The following DNAJC5B variants were observed in gnomAD, a reference collection of about 807,000 sequenced individuals.
The protein encoded by DNAJC5B is DnaJ heat shock protein family (Hsp40) member C5 beta.
DNAJC5B carries 23 observed loss-of-function variants against 24.7 expected under a neutral mutation model. The observed-to-expected ratio is 0.93, with a 90% CI of 0.67 to 1.32. The LOEUF is 1.32. DNAJC5B is among the 40% of genes most tolerant of loss of function. DNAJC5B has a pLI of 0.00. For missense variants in DNAJC5B, 238 were observed against 240.8 expected (o/e 0.99, Z 0.08); for synonymous variants, 101 against 90.1 (o/e 1.12, Z -0.68).
intron 4 of DNAJC5B, among the ~76,000 whole-genome samples, chr8:66,077,987 C>T (rs1382482733): frequency 6.6e-6 from 1 of 151,826 alleles, no homozygotes; most frequent in African/African-American, 2.4e-5. Flanking sequence ...TCATTTATGA[C>T]AATAGATTGA....
At chr8:66,094,531 G>C (rs2128967018) in intron 5 of DNAJC5B, among the ~76,000 whole-genome samples, 1 of 152,078 alleles carries the variant, frequency 6.6e-6, no homozygotes, top group East Asian at 1.9e-4. Flanking sequence ...TTATTTACCT[G>C]TAAATTCTTT....
rs1806897241 is a variant in DNAJC5B at position 66,053,537 on chromosome 8, T to G, written c.119+1871T>G. 1.3e-5 allele frequency among the ~76,000 whole-genome samples: 2 copies of G among 152,146 alleles called. 1 individual carries two copies. Among genetic ancestry groups the G allele is most frequent in the South Asian group, 4.1e-4 (2 of 4,826 alleles). On this transcript the variant is annotated intron_variant, in intron 3 of 5. Transcript: ENST00000276570. ...CCATAATCCTACCTCCAGTAATAAT[T>G]ATCATTAATATTCTGTTTCCTTCTA...
intron 5 of DNAJC5B, among the ~76,000 whole-genome samples, chr8:66,091,334 G>C (rs1473716733): frequency 6.6e-6 from 1 of 152,172 alleles, no homozygotes; most frequent in Non-Finnish European, 1.5e-5. Context: ...GGCCTCACCT[G>C]CGTGCAGGTT....
intron 1 of DNAJC5B, among the ~76,000 whole-genome samples, chr8:66,038,004 A>G (rs1228532940): frequency 6.6e-6 from 1 of 152,254 alleles, no homozygotes. Flanking sequence ...CCCTGCTTCC[A>G]AGACCAGTGA....
rs565760068 is a variant in DNAJC5B, at chr8:66,068,896, C to G, written c.120-7764C>G. Reference sequence around the variant, plus strand: ...ATTAGACTTACAGCTGATTTTCCAACCAAGGTAACAGAAGCCAGAAGACAG... The same window carrying G: ...ATTAGACTTACAGCTGATTTTCCAAGCAAGGTAACAGAAGCCAGAAGACAG... On this transcript the variant is annotated intron_variant, in intron 3 of 5. Transcript: ENST00000276570. 5.3e-5 allele frequency among the ~76,000 whole-genome samples: 8 copies of G among 152,122 alleles called. No individual in the cohort carries two copies. The East Asian group carries it at 1.5e-3, about 29-fold the overall frequency.
Position 66,051,569 on chromosome 8 carries a change from CA to C in DNAJC5B, c.25del (p.Arg9AspfsTer36). MACNIPN[Q>X]RQRTLSTTGE... is the part of the protein sequence containing the mutation. ...GAAAATGGCATGTAACATACCTAAC[CA>C]AAGACAGCGGACTCTGTCAACAACA... is the stretch of plus-strand genomic sequence containing the variant. On this transcript the variant is annotated frameshift_variant, in exon 3 of 6. Coordinates refer to ENST00000276570, the MANE Select transcript of DNAJC5B (RefSeq NM_033105.6). LOFTEE classifies it high-confidence loss of function. The C allele has an allele frequency of 6.2e-7, 1 of 1,613,892 alleles. No individual in the cohort carries two copies. Among genetic ancestry groups the C allele is most frequent in the Non-Finnish European group, 8.5e-7 (1 of 1,179,944 alleles).
chr8:66,042,507 A>G (rs575660811), intron 1 of DNAJC5B, among the ~76,000 whole-genome samples: 1 of 152,318 alleles, frequency 6.6e-6, no homozygotes, highest in East Asian at 1.9e-4. Flanking sequence ...AACTATTTTT[A>G]TTTCATCAAA....
upstream of DNAJC5B, among the ~76,000 whole-genome samples, chr8:66,016,729 T>C (rs745328716): frequency 1.7e-4 from 26 of 152,236 alleles, no homozygotes; most frequent in Middle Eastern, 3.2e-3. Flanking sequence ...TGGCGTGGTC[T>C]GTATGGCATT....
chr8:66,026,520 G>C (rs1400815742), intron 1 of DNAJC5B, among the ~76,000 whole-genome samples: 2 of 152,238 alleles, frequency 1.3e-5, no homozygotes, highest in African/African-American at 4.8e-5. Context: ...TGAGAGAGCA[G>C]AGTCTCCTCT....
At chr8:66,042,892 A>C (rs1451427396) in intron 1 of DNAJC5B, among the ~76,000 whole-genome samples, 1 of 152,038 alleles carries the variant, frequency 6.6e-6, no homozygotes, top group African/African-American at 2.4e-5. Context: ...GGTAAACAGC[A>C]CACTTAAACT....
intron 3 of DNAJC5B, among the ~76,000 whole-genome samples, chr8:66,052,489 C>G (rs1290101679): frequency 1.3e-5 from 2 of 152,008 alleles, no homozygotes; most frequent in African/African-American, 4.8e-5. Flanking sequence ...ATTACTACAA[C>G]CCAAACATAT....
chr8:66,029,787 C>T (rs1806321995), intron 1 of DNAJC5B, among the ~76,000 whole-genome samples: 1 of 152,104 alleles, frequency 6.6e-6, no homozygotes, highest in South Asian at 2.1e-4. Context: ...TGAAACTATC[C>T]ATGCCACAGT....
In DNAJC5B at chr8:66,077,999, C is replaced by T. The variant is rs79686386; in HGVS notation, c.333+1126C>T. Among the ~76,000 whole-genome samples the T allele has an allele frequency of 2.0e-3, 307 of 152,250 alleles. 2 individuals carry two copies. Among genetic ancestry groups the T allele is most frequent in the South Asian group, 9.3e-3 (45 of 4,814 alleles). ...ATGTCATTTATGACAATAGATTGAA[C>T]GTTCATAGGACAGTACAAGCTTTTG... On this transcript the variant is annotated intron_variant, in intron 4 of 5. Coordinates refer to ENST00000276570, the MANE Select transcript of DNAJC5B (RefSeq NM_033105.6).
chr8:66,071,443 T>C (rs1373189597), intron 3 of DNAJC5B, among the ~76,000 whole-genome samples: 2 of 152,026 alleles, frequency 1.3e-5, no homozygotes, highest in African/African-American at 4.8e-5. Flanking sequence ...AACAGACACA[T>C]GAAAAAATGC....
chr8:66,076,561 G>A, intron 3 of DNAJC5B, 99 bp from the exon 4 acceptor site: 3 of 1,250,164 alleles, frequency 2.4e-6, no homozygotes, highest in Non-Finnish European at 3.4e-6. Context: ...CAGTATTTGC[G>A]CTAATAAAGA....
intron 1 of DNAJC5B, among the ~76,000 whole-genome samples, chr8:66,040,205 C>T (rs998419822): frequency 6.6e-5 from 10 of 152,184 alleles, no homozygotes; most frequent in South Asian, 2.1e-4. Context: ...TCCTGGCCAA[C>T]ATGGTGAAAC....
At chr8:66,026,322 G>T (rs1806242752) in intron 1 of DNAJC5B, among the ~76,000 whole-genome samples, 2 of 151,938 alleles carry the variant, frequency 1.3e-5, no homozygotes, top group South Asian at 4.2e-4. Context: ...GGAGATTTTG[G>T]GCTGAGACGA....
At chr8:66,085,577 A>AAT (rs112577538) in intron 5 of DNAJC5B, among the ~76,000 whole-genome samples, 255 of 150,652 alleles carry the variant, frequency 1.7e-3, no homozygotes, top group African/African-American at 5.0e-3. Context: ...CATCTCAAAA[A>AAT]ATATATATAT....
At chr8:66,077,365 A>G (rs1807490681) in intron 4 of DNAJC5B, among the ~76,000 whole-genome samples, 1 of 152,168 alleles carries the variant, frequency 6.6e-6, no homozygotes, top group Non-Finnish European at 1.5e-5. Flanking sequence ...GTGAGAATTT[A>G]CTAGTGGAGG....
Sources: gnomAD v4.1 joint callset for allele counts (sites outside exome capture counted in the v4.1 genomes callset) on GRCh38, gnomAD v4.1.1 for gene constraint, MANE v1.5 for transcripts, NCBI Gene and HGNC (gene_info 2026-07-23, HGNC 2026-07-21) for gene names.